RPAP2: variants seen among roughly 807,000 people sequenced by gnomAD.
RPAP2 encodes RNA polymerase II associated protein 2.
In RPAP2, 52 loss-of-function variants were observed where a neutral mutation model predicts 73.1. The ratio of observed to expected loss-of-function variants is 0.71; its 90% CI spans 0.57 to 0.90. The LOEUF (loss-of-function observed/expected upper bound fraction) is 0.90, where lower values mean the gene tolerates loss of function less well. Among genes scored for constraint, RPAP2 ranks in the 40% least tolerant of loss-of-function variants. RPAP2 has a pLI of 0.00. For missense variants in RPAP2, 598 were observed against 701.8 expected (o/e 0.85, Z 1.67); for synonymous variants, 225 against 242.1 (o/e 0.93, Z 0.65).
At chr1:92,361,712 A>G (rs1361382019) in intron 11 of RPAP2, among the ~76,000 whole-genome samples, 2 of 152,216 alleles carry the variant, frequency 1.3e-5, no homozygotes, top group South Asian at 2.1e-4. Flanking sequence ...TTAACAAAAA[A>G]CAAAGTTAGA....
intron 6 of RPAP2, among the ~76,000 whole-genome samples, chr1:92,319,841 A>C (rs908945161): frequency 2.0e-5 from 3 of 152,114 alleles, no homozygotes; most frequent in Admixed American, 2.0e-4. Flanking sequence ...TCTACTAAAA[A>C]TACAAAACTA....
At chr1:92,353,314 G>C (rs193152144) in intron 11 of RPAP2, among the ~76,000 whole-genome samples, 1 of 152,152 alleles carries the variant, frequency 6.6e-6, no homozygotes, top group Non-Finnish European at 1.5e-5. Context: ...CACTAGCAAA[G>C]TATGAGGGCT....
At chr1:92,376,534 T>C (rs540951174) in intron 11 of RPAP2, among the ~76,000 whole-genome samples, 2 of 152,350 alleles carry the variant, frequency 1.3e-5, no homozygotes, top group Non-Finnish European at 1.5e-5. Context: ...ATCTATTTGT[T>C]TGATGACTTG....
Position 92,399,538 on chromosome 1 carries a change from CA to C in RPAP2, c.*12528del, listed in dbSNP as rs1656264758. ...CTGACCCTACCTTACTGGGGTCATA[CA>C]GCCAAAGCAGTGTCCACTTCAGGTA... On this transcript the variant is annotated 3_prime_UTR_variant, in exon 13 of 13. Coordinates refer to ENST00000610020, the MANE Select transcript of RPAP2 (RefSeq NM_024813.3). 1 of 152,182 alleles carries C rather than the reference CA, an allele frequency of 6.6e-6. No homozygotes were observed. The highest frequency in any genetic ancestry group is 2.1e-4 in the South Asian group (1 of 4,832). The allele number at this position is 152,182 out of a possible 1,614,324, so 9.4% of individuals were successfully genotyped here. A position where few individuals can be genotyped will look rare whatever the true frequency, so the allele number is the denominator to read the frequency against.
intron 8 of RPAP2, among the ~76,000 whole-genome samples, chr1:92,324,805 A>T (rs995582996): frequency 6.6e-6 from 1 of 152,198 alleles, no homozygotes; most frequent in African/African-American, 2.4e-5. Context: ...TTTAGCAAGC[A>T]TGTCCATTGA....
At chr1:92,380,320 T>A (rs913843997) in intron 11 of RPAP2, among the ~76,000 whole-genome samples, 4 of 152,068 alleles carry the variant, frequency 2.6e-5, no homozygotes, top group African/African-American at 9.7e-5. Context: ...AAAGGTAATC[T>A]TGTTTGTTTA....
At chr1:92,322,985 A>G (rs1652383564) in intron 7 of RPAP2, among the ~76,000 whole-genome samples, 1 of 146,642 alleles carries the variant, frequency 6.8e-6, no homozygotes, top group South Asian at 2.1e-4. Context: ...TATATATTAT[A>G]TATGTAAATA....
chr1:92,307,533 TG>T (rs905050700), intron 6 of RPAP2, among the ~76,000 whole-genome samples: 2 of 152,210 alleles, frequency 1.3e-5, no homozygotes, highest in Non-Finnish European at 2.9e-5. Context: ...CAGTGTCCTG[TG>T]ATGCTAGTTA....
intron 11 of RPAP2, among the ~76,000 whole-genome samples, chr1:92,378,789 G>A (rs997408246): frequency 2.0e-5 from 3 of 152,192 alleles, no homozygotes; most frequent in African/African-American, 7.2e-5. Flanking sequence ...CCCAGCTTGG[G>A]CTTGGCATTG....
intron 6 of RPAP2, among the ~76,000 whole-genome samples, chr1:92,316,011 TTA>T (rs1321783017): frequency 6.6e-6 from 1 of 152,212 alleles, no homozygotes; most frequent in Non-Finnish European, 1.5e-5. Context: ...ACATAGGTAA[TTA>T]TATAGTTGCA....
intron 11 of RPAP2, among the ~76,000 whole-genome samples, chr1:92,352,113 C>T (rs1280926478): frequency 6.6e-6 from 1 of 152,170 alleles, no homozygotes; most frequent in Non-Finnish European, 1.5e-5. Flanking sequence ...GGAAAGCTTT[C>T]AAGACCATCT....
rs1207239686 is a variant in RPAP2, at chr1:92,389,606, G to A, written c.*2595G>A. The A allele has an allele frequency of 1.3e-5, 2 of 152,140 alleles. No individual in the cohort carries two copies. The highest frequency in any genetic ancestry group is 2.9e-5 in the Non-Finnish European group (2 of 68,020). 9.4% of individuals were successfully genotyped at this position (152,140 alleles called of 1,614,324 possible). ...AATAACAAACTTCTCCAAGCTAAAG[G>A]AGCATGTTCTAATGCGTCGCAAGGA... is the stretch of plus-strand genomic sequence containing the variant. On this transcript the variant is annotated 3_prime_UTR_variant, in exon 13 of 13. Transcript: ENST00000610020.
At chr1:92,299,771 A>G (rs1184391264) in intron 1 of RPAP2, among the ~76,000 whole-genome samples, 1 of 152,228 alleles carries the variant, frequency 6.6e-6, no homozygotes, top group Non-Finnish European at 1.5e-5. Context: ...TGGACATAAA[A>G]TATGTGGAAA....
At chr1:92,373,861 G>T (rs1655277319) in intron 11 of RPAP2, among the ~76,000 whole-genome samples, 1 of 151,326 alleles carries the variant, frequency 6.6e-6, no homozygotes, top group African/African-American at 2.4e-5. Context: ...GGAGGTTGCA[G>T]TGAGCAGAGA....
At chr1:92,338,133 C>T (rs1247231668) in intron 10 of RPAP2, among the ~76,000 whole-genome samples, 3 of 151,856 alleles carry the variant, frequency 2.0e-5, no homozygotes, top group Non-Finnish European at 4.4e-5. Context: ...AAAACAAGCA[C>T]ATAAAGACAT....
intron 3 of RPAP2, among the ~76,000 whole-genome samples, chr1:92,303,450 A>G (rs1253751957): frequency 6.6e-6 from 1 of 152,254 alleles, no homozygotes; most frequent in African/African-American, 2.4e-5. Context: ...ATGTTAGCTT[A>G]TAACCATCAC....
intron 10 of RPAP2, among the ~76,000 whole-genome samples, chr1:92,336,780 A>T (rs1653302461): frequency 6.6e-6 from 1 of 152,146 alleles, no homozygotes; most frequent in Non-Finnish European, 1.5e-5. Context: ...GGGTAATGTA[A>T]AAGAAACATA....
Position 92,391,365 on chromosome 1 carries a change from T to C in RPAP2, c.*4354T>C, listed in dbSNP as rs891664948. On this transcript the variant is annotated 3_prime_UTR_variant, in exon 13 of 13. Transcript: ENST00000610020. Reference sequence around the variant, plus strand: ...CAAAGACACAATGTACCAGAATCTCTAGGACATGTTTAAAGCAGTATGTAG... The same window carrying C: ...CAAAGACACAATGTACCAGAATCTCCAGGACATGTTTAAAGCAGTATGTAG... The C allele has an allele frequency of 2.0e-5, 3 of 152,084 alleles. No individual in the cohort carries two copies. Among genetic ancestry groups the C allele is most frequent in the Admixed American group, 1.3e-4 (2 of 15,272 alleles). The allele number at this position is 152,084 out of a possible 1,614,324, so 9.4% of individuals were successfully genotyped here.
intron 12 of RPAP2, among the ~76,000 whole-genome samples, chr1:92,382,858 A>C (rs1043205886): frequency 7.2e-5 from 11 of 151,868 alleles, no homozygotes; most frequent in African/African-American, 2.7e-4. Context: ...CTATGTCCTG[A>C]ATGGTATTGC....
Sources: gnomAD v4.1 joint callset for allele counts (sites outside exome capture counted in the v4.1 genomes callset) on GRCh38, gnomAD v4.1.1 for gene constraint, MANE v1.5 for transcripts, NCBI Gene and HGNC (gene_info 2026-07-23, HGNC 2026-07-21) for gene names.